BMPER: variants seen among roughly 807,000 people sequenced by gnomAD.
The protein encoded by BMPER is BMP-binding endothelial regulator protein.
BMPER carries 45 observed loss-of-function variants against 87.3 expected under a neutral mutation model. The observed-to-expected ratio is 0.52, with a 90% CI of 0.41 to 0.66. The LOEUF (loss-of-function observed/expected upper bound fraction) is 0.66. Ranked by LOEUF, BMPER falls within the 30% of genes least tolerant of loss-of-function variation. BMPER has a pLI of 0.00. For synonymous variants in BMPER, 326 were observed against 316.2 expected, an observed-to-expected ratio of 1.03 and a Z score of -0.33; for missense variants, 784 against 867.5, an observed-to-expected ratio of 0.90 and a Z score of 1.21.
chr7:34,018,525 A>T (rs1021204627), intron 6 of BMPER, among the ~76,000 whole-genome samples: 1 of 151,980 alleles, frequency 6.6e-6, no homozygotes, highest in African/African-American at 2.4e-5. Context: ...AAAATTCTGC[A>T]TGCCTCGCAA....
intron 13 of BMPER, among the ~76,000 whole-genome samples, chr7:34,119,811 T>C (rs771038886): frequency 2.0e-5 from 3 of 152,188 alleles, no homozygotes; most frequent in Admixed American, 1.3e-4. Context: ...AAAGTAGTTA[T>C]ATATGGTTAA....
chr7:34,076,729 A>C (rs897089846), intron 11 of BMPER, among the ~76,000 whole-genome samples: 3 of 152,114 alleles, frequency 2.0e-5, no homozygotes, highest in Non-Finnish European at 2.9e-5. Flanking sequence ...TAGTGCTTTA[A>C]TTAATGATAA....
intron 2 of BMPER, among the ~76,000 whole-genome samples, chr7:33,934,327 T>C (rs937394614): frequency 1.3e-5 from 2 of 152,166 alleles, no homozygotes; most frequent in African/African-American, 2.4e-5. Context: ...TTAAAGTTTT[T>C]TCTTGGAAGG....
At chr7:34,084,000 TTAA>T (rs1181231566) in intron 12 of BMPER, among the ~76,000 whole-genome samples, 14 of 122,980 alleles carry the variant, frequency 1.1e-4, no homozygotes, top group African/African-American at 4.6e-4. Context: ...GAGGAAAGAT[TTAA>T]AAAAAAAAAA....
At chr7:34,081,603 C>T (rs912168681) in intron 12 of BMPER, among the ~76,000 whole-genome samples, 1 of 152,246 alleles carries the variant, frequency 6.6e-6, no homozygotes. Flanking sequence ...CACTCCCACC[C>T]CAACTCTTGA....
At chr7:34,081,363 G>A (rs1789042438) in intron 12 of BMPER, among the ~76,000 whole-genome samples, 1 of 152,290 alleles carries the variant, frequency 6.6e-6, no homozygotes, top group East Asian at 1.9e-4. Flanking sequence ...CTTCAAAATA[G>A]CAAGTTTCTT....
chr7:33,915,928 C>T (rs1004462265), intron 2 of BMPER, among the ~76,000 whole-genome samples: 1 of 152,128 alleles, frequency 6.6e-6, no homozygotes, highest in Non-Finnish European at 1.5e-5. Flanking sequence ...ATCTCAACAT[C>T]TCTATCTTCA....
chr7:34,144,062 C>G (rs969284294), intron 14 of BMPER, among the ~76,000 whole-genome samples: 1 of 152,068 alleles, frequency 6.6e-6, no homozygotes, highest in South Asian at 2.1e-4. Flanking sequence ...AGGAAACAAA[C>G]AGGGCAGAGT....
At chr7:34,085,320 G>A (rs974130158) in intron 12 of BMPER, among the ~76,000 whole-genome samples, 1 of 152,030 alleles carries the variant, frequency 6.6e-6, no homozygotes, top group African/African-American at 2.4e-5. Context: ...ATTACATGGT[G>A]GAATTTCTGG....
In BMPER at chr7:34,078,841, TCTCA is replaced by T. The variant is rs1333842318; in HGVS notation, c.1079-12_1079-9del. On this transcript the variant is annotated splice_polypyrimidine_tract_variant and intron_variant, in intron 11 of 14. Coordinates refer to ENST00000649409, the MANE Select transcript of BMPER (RefSeq NM_001365308.1). ...CTTGGTTTGTGACCCGGCTTTTGTC[TCTCA>T]CTCCTCCGCAGAGCCCGGCGTTTGC... The T allele has an allele frequency of 6.2e-7, 1 of 1,613,916 alleles. No individual in the cohort carries two copies. Among genetic ancestry groups the T allele is most frequent in the South Asian group, 1.1e-5 (1 of 91,074 alleles).
At chr7:34,086,339 C>G (rs73316413) in intron 13 of BMPER, among the ~76,000 whole-genome samples, 1 of 152,132 alleles carries the variant, frequency 6.6e-6, no homozygotes, top group Admixed American at 6.5e-5. Flanking sequence ...TAGGTCTGCA[C>G]GTTTACTGGA....
chr7:33,991,098 C>G (rs1473337922), intron 6 of BMPER, among the ~76,000 whole-genome samples: 1 of 146,660 alleles, frequency 6.8e-6, no homozygotes, highest in African/African-American at 2.5e-5. Context: ...GTGTCTCTGC[C>G]TGGCTTTGGT....
At chr7:34,028,592 A>ATTTTTT (rs1455205476) in intron 6 of BMPER, among the ~76,000 whole-genome samples, 1 of 44,956 alleles carries the variant, frequency 2.2e-5, no homozygotes, top group African/African-American at 8.9e-5. Context: ...AGTCCAAATC[A>ATTTTTT]TTTTTTCTGT....
chr7:33,955,521 A>G (rs1343297454), intron 3 of BMPER, among the ~76,000 whole-genome samples: 1 of 152,184 alleles, frequency 6.6e-6, no homozygotes, highest in Non-Finnish European at 1.5e-5. Flanking sequence ...CCCCCTAGGA[A>G]TGCCCTTAGT....
intron 8 of BMPER, among the ~76,000 whole-genome samples, chr7:34,054,406 A>AT (rs1037848798): frequency 1.5e-4 from 23 of 151,796 alleles, no homozygotes; most frequent in African/African-American, 3.6e-4. Context: ...TTGACAAAGG[A>AT]TTTTTTTTTC....
chr7:34,016,409 A>G (rs932999979), intron 6 of BMPER, among the ~76,000 whole-genome samples: 19 of 151,946 alleles, frequency 1.3e-4, no homozygotes, highest in Non-Finnish European at 2.4e-4. Context: ...AAAACTTTCT[A>G]AAGCAAATGG....
chr7:34,133,433 G>T (rs1790643706), intron 13 of BMPER, among the ~76,000 whole-genome samples: 1 of 152,168 alleles, frequency 6.6e-6, no homozygotes, highest in Non-Finnish European at 1.5e-5. Flanking sequence ...CCTGGAGAGG[G>T]CACAGAAGCT....
At chr7:34,140,025 T>G (rs921491854) in intron 13 of BMPER, among the ~76,000 whole-genome samples, 1 of 152,188 alleles carries the variant, frequency 6.6e-6, no homozygotes, top group South Asian at 2.1e-4. Context: ...TCTAGAAAGA[T>G]CGAATGTAGT....
At chr7:34,024,381 A>C (rs1377496547) in intron 6 of BMPER, among the ~76,000 whole-genome samples, 3 of 65,954 alleles carry the variant, frequency 4.5e-5, no homozygotes, top group African/African-American at 1.6e-4. Context: ...AAAAAAAAAA[A>C]ACAATATATA....
Sources: allele counts gnomAD v4.1 joint callset (sites outside exome capture counted in the v4.1 genomes callset), GRCh38; gene constraint gnomAD v4.1.1; transcripts MANE v1.5; gene names NCBI Gene and HGNC (gene_info 2026-07-23, HGNC 2026-07-21).